The following ZNF536 variants were observed in gnomAD, a reference collection of about 807,000 sequenced individuals.
The protein encoded by ZNF536 is zinc finger protein 536.
ZNF536 carries 13 observed loss-of-function variants against 84.5 expected under a neutral mutation model. The ratio of observed to expected loss-of-function variants is 0.15; its 90% CI spans 0.10 to 0.24. The LOEUF is 0.24. Among genes scored for constraint, ZNF536 ranks in the 10% least tolerant of loss-of-function variants. The pLI is 1.00. For missense variants in ZNF536, 1,536 were observed against 1,747.5 expected, an observed-to-expected ratio of 0.88 and a Z score of 2.16; for synonymous variants, 811 against 742.5, an observed-to-expected ratio of 1.09 and a Z score of -1.50.
intron 2 of ZNF536, among the ~76,000 whole-genome samples, chr19:30,317,944 A>G (rs1260320766): frequency 6.6e-6 from 1 of 152,220 alleles, no homozygotes; most frequent in Non-Finnish European, 1.5e-5. Flanking sequence ...TTCTAGAAGC[A>G]ATGTTACGCA....
chr19:30,635,886 G>T (rs2049047223), intron 1 of ZNF536, among the ~76,000 whole-genome samples: 1 of 152,238 alleles, frequency 6.6e-6, no homozygotes, highest in Admixed American at 6.5e-5. Flanking sequence ...TGGAAACCCA[G>T]CTCCCTGCCA....
Position 30,585,682 on chromosome 19 carries a change from C to A in ZNF536, c.169+36168C>A, listed in dbSNP as rs560197772. ...CCAACCATAAGCCTTCTGTCTCAAG[C>A]AGCCCAGTCTCATCCCTGCTATCTT... On this transcript the variant is annotated intron_variant, in intron 1 of 1. Coordinates refer to the ZNF536 transcript ENST00000592773. 1.3e-4 allele frequency among the ~76,000 whole-genome samples: 20 copies of A among 152,278 alleles called. No individual in the cohort carries two copies. The South Asian group carries it at 3.7e-3, about 28-fold the overall frequency.
chr19:30,355,874 C>A (rs181373685), intron 3 of ZNF536, among the ~76,000 whole-genome samples: 2 of 152,110 alleles, frequency 1.3e-5, no homozygotes, highest in African/African-American at 2.4e-5. Flanking sequence ...CAGTTTCACC[C>A]GAAACTCTCA....
intron 1 of ZNF536, among the ~76,000 whole-genome samples, chr19:30,234,329 C>T (rs1054702635): frequency 1.3e-5 from 2 of 150,982 alleles, no homozygotes; most frequent in Non-Finnish European, 2.9e-5. Context: ...GGCTCTTCAG[C>T]TGGATGCTGG....
intron 2 of ZNF536, among the ~76,000 whole-genome samples, chr19:30,287,670 G>GTGGA (rs575229970): frequency 0.022 from 1,386 of 63,144 alleles, 68 homozygotes; most frequent in African/African-American, 0.12. Context: ...GGATGGGTGG[G>GTGGA]TGGATGGATG....
chr19:30,671,757 G>A (rs929471052), intron 1 of ZNF536, among the ~76,000 whole-genome samples: 3 of 152,178 alleles, frequency 2.0e-5, no homozygotes, highest in African/African-American at 7.2e-5. Context: ...CATTTGTTCA[G>A]TGACGAACAA....
intron 3 of ZNF536, among the ~76,000 whole-genome samples, chr19:30,358,699 G>C (rs1011514966): frequency 6.6e-6 from 1 of 152,206 alleles, no homozygotes; most frequent in African/African-American, 2.4e-5. Context: ...GCCAATACTC[G>C]GGATGCAATC....
At chr19:30,583,729 A>G (rs1032083575) in intron 1 of ZNF536, among the ~76,000 whole-genome samples, 1 of 152,210 alleles carries the variant, frequency 6.6e-6, no homozygotes, top group African/African-American at 2.4e-5. Flanking sequence ...TGGCACAGTG[A>G]CTAGCACAGA....
intron 1 of ZNF536, among the ~76,000 whole-genome samples, chr19:30,258,499 G>C (rs2025026666): frequency 2.6e-5 from 4 of 152,172 alleles, no homozygotes; most frequent in Non-Finnish European, 5.9e-5. Flanking sequence ...CATGCCTCTG[G>C]CATAGAAACG....
intron 2 of ZNF536, among the ~76,000 whole-genome samples, chr19:30,463,496 A>G (rs999693217): frequency 2.0e-5 from 3 of 152,216 alleles, no homozygotes; most frequent in African/African-American, 7.2e-5. Context: ...TCTGGAGCTC[A>G]GCCAGCCTTG....
At chr19:30,232,187 G>A (rs777544486) in intron 1 of ZNF536, among the ~76,000 whole-genome samples, 14 of 152,150 alleles carry the variant, frequency 9.2e-5, no homozygotes, top group Non-Finnish European at 1.5e-4. Flanking sequence ...TGCCATCAAC[G>A]GGCTCCTGTT....
intron 1 of ZNF536, among the ~76,000 whole-genome samples, chr19:30,666,578 G>A (rs1162426356): frequency 1.3e-5 from 2 of 152,048 alleles, no homozygotes; most frequent in Non-Finnish European, 2.9e-5. Context: ...TGAGCCTCAA[G>A]GTGGGGTGTT....
chr19:30,601,472 G>C (rs1026052178), intron 1 of ZNF536, among the ~76,000 whole-genome samples: 1 of 152,174 alleles, frequency 6.6e-6, no homozygotes, highest in Non-Finnish European at 1.5e-5. Flanking sequence ...AGGTCTCTGG[G>C]CTACGCTAGG....
At chr19:30,420,542 C>T (rs1227180644) in intron 1 of ZNF536, among the ~76,000 whole-genome samples, 1 of 152,202 alleles carries the variant, frequency 6.6e-6, no homozygotes, top group East Asian at 1.9e-4. Flanking sequence ...AGTAGAGCTG[C>T]TTCTTGTGTG....
chr19:30,696,415 A>C (rs867353872), intron 1 of ZNF536, among the ~76,000 whole-genome samples: 4 of 152,236 alleles, frequency 2.6e-5, no homozygotes, highest in Non-Finnish European at 5.9e-5. Flanking sequence ...TTATTATATT[A>C]CACATCGAAA....
chr19:30,410,713 C>T lies in ZNF536; in HGVS notation c.-2-32848C>T, dbSNP rs535045183. ...CAGGATGGTCTCGATCTCCTGACCT[C>T]GTGATCCGCCCGCCTCGGCCTCCCA... is the stretch of plus-strand genomic sequence containing the variant. On this transcript the variant is annotated intron_variant, in intron 1 of 4. Transcript: ENST00000355537. Among the ~76,000 whole-genome samples, 729 of 151,940 alleles carry T rather than the reference C, an allele frequency of 4.8e-3. 11 individuals are homozygous for T. The highest frequency in any genetic ancestry group is 0.038 in the Admixed American group (573 of 15,254).
chr19:30,461,937 C>T (rs1204419538), intron 2 of ZNF536, among the ~76,000 whole-genome samples: 1 of 152,130 alleles, frequency 6.6e-6, no homozygotes, highest in Non-Finnish European at 1.5e-5. Flanking sequence ...CCACCCCCAC[C>T]CCTTCTCCAG....
intron 2 of ZNF536, among the ~76,000 whole-genome samples, chr19:30,495,396 G>A (rs1384477737): frequency 6.6e-6 from 1 of 152,138 alleles, no homozygotes; most frequent in Non-Finnish European, 1.5e-5. Context: ...AATATTTGTT[G>A]AATAAATGAA....
At chr19:30,576,446 G>A (rs1256420912) in intron 1 of ZNF536, among the ~76,000 whole-genome samples, 1 of 152,148 alleles carries the variant, frequency 6.6e-6, no homozygotes, top group Non-Finnish European at 1.5e-5. Flanking sequence ...CATCTTGGGA[G>A]CCCCAGTTTC....
Sources: gnomAD v4.1 joint callset for allele counts (sites outside exome capture counted in the v4.1 genomes callset) on GRCh38, gnomAD v4.1.1 for gene constraint, MANE v1.5 for transcripts, NCBI Gene and HGNC (gene_info 2026-07-23, HGNC 2026-07-21) for gene names.